The following YTHDC2 variants were observed in gnomAD, a reference collection of about 807,000 sequenced individuals.
The protein encoded by YTHDC2 is 3'-5' RNA helicase YTHDC2.
A neutral mutation model predicts 174.9 loss-of-function variants in YTHDC2; 45 were observed. The ratio of observed to expected loss-of-function variants is 0.26; its 90% CI spans 0.20 to 0.33. The LOEUF is 0.33. Ranked by LOEUF, YTHDC2 falls within the 10% of genes least tolerant of loss-of-function variation. YTHDC2 has a pLI of 1.00. For missense variants in YTHDC2, 1,650 were observed against 1,723.7 expected (o/e 0.96, Z 0.76); for synonymous variants, 657 against 574.5 (o/e 1.14, Z -2.05).
intron 7 of YTHDC2, among the ~76,000 whole-genome samples, chr5:113,535,999 CTAA>C (rs771702673): frequency 2.0e-4 from 31 of 152,152 alleles, no homozygotes; most frequent in Non-Finnish European, 1.6e-4. Context: ...TGTAGTGAGC[CTAA>C]TTCTCTTACC....
intron 23 of YTHDC2, among the ~76,000 whole-genome samples, chr5:113,570,844 G>A (rs1391915231): frequency 6.6e-6 from 1 of 151,994 alleles, no homozygotes; most frequent in Non-Finnish European, 1.5e-5. Context: ...AGTAGATTTG[G>A]CATTTCACCA....
At chr5:113,558,917 G>A (rs796945455) in intron 17 of YTHDC2, among the ~76,000 whole-genome samples, 63 of 98,780 alleles carry the variant, frequency 6.4e-4, no homozygotes, top group African/African-American at 2.3e-3. Context: ...GCAAGACTCC[G>A]TCTCAAAAAA....
chr5:113,554,029 A>T lies in YTHDC2; in HGVS notation c.2133+7A>T. On this transcript the variant is annotated splice_region_variant and intron_variant, in intron 16 of 29. Transcript: ENST00000161863. The stretch of plus-strand genomic sequence containing the variant: ...TTCTGGTAAGGTGAAAGAGGTATGT[A>T]TGGGTAAGTTGTAGTTTTACTTAAA... 6.6e-7 allele frequency: 1 copy of T among 1,525,936 alleles called. No individual in the cohort carries two copies. Among genetic ancestry groups the T allele is most frequent in the African/African-American group, 1.4e-5 (1 of 71,610 alleles). 94.5% of individuals were successfully genotyped at this position (1,525,936 alleles called of 1,614,324 possible). A position where few individuals can be genotyped will look rare whatever the true frequency, so the allele number is the denominator to read the frequency against.
intron 23 of YTHDC2, among the ~76,000 whole-genome samples, chr5:113,573,081 G>A (rs565559713): frequency 3.3e-5 from 5 of 152,254 alleles, no homozygotes; most frequent in East Asian, 1.9e-4. Flanking sequence ...GTGTACTTCC[G>A]TGTGTTTTTG....
intron 17 of YTHDC2, among the ~76,000 whole-genome samples, chr5:113,560,772 C>G (rs146664166): frequency 4.8e-4 from 73 of 152,256 alleles, no homozygotes; most frequent in African/African-American, 1.7e-3. Context: ...TTTAAATTAC[C>G]AATATTCATT....
At chr5:113,557,741 C>T (rs954089681) in intron 17 of YTHDC2, among the ~76,000 whole-genome samples, 2 of 152,022 alleles carry the variant, frequency 1.3e-5, no homozygotes, top group Non-Finnish European at 2.9e-5. Context: ...CTGCAGCTGC[C>T]GTGAGCTGTG....
chr5:113,513,704 T>A lies in YTHDC2; in HGVS notation c.-192T>A, dbSNP rs959863683. 11 of 642,732 alleles carry A rather than the reference T, an allele frequency of 1.7e-5. No homozygotes were observed. Among genetic ancestry groups the A allele is most frequent in the Non-Finnish European group, 2.5e-5 (10 of 403,682 alleles). 39.8% of individuals were successfully genotyped at this position (642,732 alleles called of 1,614,324 possible). A position where few individuals can be genotyped will look rare whatever the true frequency, so the allele number is the denominator to read the frequency against. On this transcript the variant is annotated 5_prime_UTR_variant, in exon 1 of 30. Coordinates refer to ENST00000161863, the MANE Select transcript of YTHDC2 (RefSeq NM_022828.5). ...CGTCATTACGCCCGCGCTCCTCGCCTGGCCGTGATATCAATGGCGCAGGCT... is the reference window on the plus strand; with the variant it reads ...CGTCATTACGCCCGCGCTCCTCGCCAGGCCGTGATATCAATGGCGCAGGCT...
In YTHDC2 at chr5:113,566,660, A is replaced by T. The variant is rs140755087; in HGVS notation, c.2843-432A>T. Among the ~76,000 whole-genome samples, 749 of 152,204 alleles carry T rather than the reference A, an allele frequency of 4.9e-3. 7 individuals are homozygous for T. The highest frequency in any genetic ancestry group is 0.017 in the African/African-American group (724 of 41,512). On this transcript the variant is annotated intron_variant, in intron 21 of 29. Transcript: ENST00000161863. ...TAAGGAAATATGAAGGACTTTTGAA[A>T]CTCAAGCAAAAATTACCATATATTT...
intron 23 of YTHDC2, among the ~76,000 whole-genome samples, chr5:113,575,603 A>G (rs1777991948): frequency 6.6e-6 from 1 of 152,216 alleles, no homozygotes; most frequent in African/African-American, 2.4e-5. Context: ...AGGAATTGAC[A>G]GAAAGGCTGT....
At chr5:113,559,930 C>A (rs772364578) in intron 17 of YTHDC2, among the ~76,000 whole-genome samples, 1 of 152,118 alleles carries the variant, frequency 6.6e-6, no homozygotes, top group African/African-American at 2.4e-5. Flanking sequence ...TTTTGGGATG[C>A]GTAAGGCATT....
At chr5:113,517,473 AG>A (rs1468306879) in intron 2 of YTHDC2, 1 of 446,454 alleles carries the variant, frequency 2.2e-6, no homozygotes, top group Admixed American at 2.4e-5. Flanking sequence ...TAGTCATGTA[AG>A]AGCTGATCTG....
chr5:113,565,997 G>T lies in YTHDC2; in HGVS notation c.2820G>T (p.Leu940Phe). The T allele has an allele frequency of 6.2e-7, 1 of 1,610,400 alleles. No homozygotes were observed. The change falls in exon 21 of 30, where the codon TTG (leucine) becomes TTT (phenylalanine). Residue 940 changes from leucine (L) to phenylalanine (F), a missense_variant. Leu to Phe is a conservative substitution (Grantham distance 22). Around this residue, in one of 5 missense-constraint regions of YTHDC2, gnomAD observed 913 missense variants for 940.4 expected, o/e 0.97. Coordinates refer to ENST00000161863, the MANE Select transcript of YTHDC2 (RefSeq NM_022828.5). ...MEIIIGMRTQ[L>F]LGQLRASGFV... is the part of the protein sequence containing the mutation. ...TAATCATAGGCATGAGAACACAGTT[G>T]CTTGGTCAACTTAGAGCATCAGGTA...
intron 23 of YTHDC2, among the ~76,000 whole-genome samples, chr5:113,575,067 C>T (rs1777958567): frequency 6.6e-6 from 1 of 152,122 alleles, no homozygotes; most frequent in Non-Finnish European, 1.5e-5. Flanking sequence ...TGTATGTATG[C>T]CTAGTATGTC....
intron 23 of YTHDC2, 25 bp from the exon 24 acceptor site, chr5:113,579,561 T>C (rs368817544): frequency 1.3e-6 from 2 of 1,537,780 alleles, no homozygotes; most frequent in Admixed American, 4.0e-5. Flanking sequence ...AAAAGTGATT[T>C]TTTTTTCATT....
Position 113,590,814 on chromosome 5 carries a change from C to G in YTHDC2, c.3826-227C>G, listed in dbSNP as rs768714990. ...TAAACCAAAGTTGGTACTCCAGGAG[C>G]CTTTGTTGATAAGGGATTTTGAATG... On this transcript the variant is annotated intron_variant, in intron 26 of 29. Coordinates refer to ENST00000161863, the MANE Select transcript of YTHDC2 (RefSeq NM_022828.5). Among the ~76,000 whole-genome samples, 5 of 152,216 alleles carry G rather than the reference C, an allele frequency of 3.3e-5. No individual in the cohort carries two copies. The East Asian group carries it at 9.6e-4, about 29-fold the overall frequency.
chr5:113,521,820 CAAAA>C (rs59402463), intron 2 of YTHDC2, among the ~76,000 whole-genome samples: 6 of 118,578 alleles, frequency 5.1e-5, no homozygotes, highest in Non-Finnish European at 8.8e-5. Context: ...GACTCTGTCT[CAAAA>C]AAAAAAAAAA....
chr5:113,587,515 G>GTATTTATATA (rs1778755247), intron 26 of YTHDC2, among the ~76,000 whole-genome samples: 1 of 72,484 alleles, frequency 1.4e-5, no homozygotes, highest in Non-Finnish European at 2.3e-5. Flanking sequence ...GTATTTATAT[G>GTATTTATATA]TAATATATAT....
chr5:113,539,055 AT>A lies in YTHDC2; in HGVS notation c.1103-10del, dbSNP rs759397017. 2.1e-4 allele frequency: 250 copies of A among 1,200,802 alleles called. No individual in the cohort carries two copies. Among genetic ancestry groups the A allele is most frequent in the South Asian group, 3.1e-4 (19 of 60,338 alleles). The allele number at this position is 1,200,802 out of a possible 1,614,324, so 74.4% of individuals were successfully genotyped here. On this transcript the variant is annotated intron_variant, in intron 7 of 29. Coordinates refer to ENST00000161863, the MANE Select transcript of YTHDC2 (RefSeq NM_022828.5). Reference sequence around the variant, plus strand: ...CTCCAAGATGCAAGTTGAGTATTTAATTTTTTTTTATTATTTAGTACAGGGA... The same window carrying A: ...CTCCAAGATGCAAGTTGAGTATTTAATTTTTTTTATTATTTAGTACAGGGA...
chr5:113,514,291 A>G (rs747996047), intron 1 of YTHDC2: 24 of 711,216 alleles, frequency 3.4e-5, no homozygotes, highest in African/African-American at 2.6e-4. Flanking sequence ...CTGCGGATCA[A>G]TGGGGTTATG....
Sources: allele counts gnomAD v4.1 joint callset (sites outside exome capture counted in the v4.1 genomes callset), GRCh38; gene constraint gnomAD v4.1.1; regional missense constraint gnomAD v4.1.1; transcripts MANE v1.5; gene names NCBI Gene and HGNC (gene_info 2026-07-23, HGNC 2026-07-21).